Variants in TLK2 observed in about 807,000 individuals in gnomAD.
TLK2 encodes the protein tousled like kinase 2.
TLK2 carries 6 observed loss-of-function variants against 117.3 expected under a neutral mutation model. The observed-to-expected ratio is 0.05, with a 90% confidence interval of 0.03 to 0.10. The LOEUF is 0.10. Ranked by LOEUF, TLK2 falls within the 10% of genes least tolerant of loss-of-function variation. The probability of loss-of-function intolerance (pLI) is 1.00; values close to 1 mark genes in which losing one functional copy is unlikely to be tolerated. For synonymous variants in TLK2, 257 were observed against 316.7 expected (o/e 0.81, Z 2.00); for missense variants, 299 against 901.2 (o/e 0.33, Z 8.56).
chr17:62,479,183 C>G lies in TLK2; in HGVS notation c.-113C>G, dbSNP rs1190920073. Reference sequence around the variant, plus strand: ...GGGGTTGCGGCGCTCAGGAGAGGCCCCGGCTCCGCCCCGGGCCTGCCCAGG... The same window carrying G: ...GGGGTTGCGGCGCTCAGGAGAGGCCGCGGCTCCGCCCCGGGCCTGCCCAGG... On this transcript the variant is annotated 5_prime_UTR_variant, in exon 1 of 22. Transcript: ENST00000346027. The G allele has an allele frequency of 6.6e-6, 1 of 151,784 alleles. No individual in the cohort carries two copies. The highest frequency in any genetic ancestry group is 1.5e-5 in the Non-Finnish European group (1 of 67,602). The allele number at this position is 151,784 out of a possible 1,614,324, so 9.4% of individuals were successfully genotyped here.
chr17:62,590,641 G>A (rs1332454730), intron 16 of TLK2, among the ~76,000 whole-genome samples: 2 of 152,116 alleles, frequency 1.3e-5, no homozygotes, highest in Non-Finnish European at 2.9e-5. Context: ...CAGGGCACAT[G>A]AGATCATATT....
intron 16 of TLK2, 68 bp from the exon 17 acceptor site, chr17:62,596,517 A>AG: frequency 8.9e-7 from 1 of 1,118,432 alleles, no homozygotes; most frequent in Admixed American, 1.7e-5. Context: ...AATATTTAGG[A>AG]GGATCTTTGA....
intron 2 of TLK2, among the ~76,000 whole-genome samples, chr17:62,487,911 G>C (rs12950316): frequency 7.0e-6 from 1 of 143,102 alleles, no homozygotes; most frequent in South Asian, 2.3e-4. Context: ...GTGTGAGCCA[G>C]TGCGCCCGGC....
At chr17:62,544,161 C>T (rs144140935) in intron 7 of TLK2, among the ~76,000 whole-genome samples, 1 of 152,146 alleles carries the variant, frequency 6.6e-6, no homozygotes, top group Non-Finnish European at 1.5e-5. Flanking sequence ...TATTTATGGA[C>T]TCTAAATCTG....
At chr17:62,492,955 G>A (rs1045116807) in intron 2 of TLK2, among the ~76,000 whole-genome samples, 1 of 151,990 alleles carries the variant, frequency 6.6e-6, no homozygotes, top group Non-Finnish European at 1.5e-5. Context: ...AAAGTTAGCC[G>A]GGCATGTTGG....
rs373338755 is a variant in TLK2 at position 62,542,432 on chromosome 17, C to A, written c.531+6095C>A. On this transcript the variant is annotated intron_variant, in intron 7 of 21. Coordinates refer to ENST00000346027, the MANE Select transcript of TLK2 (RefSeq NM_006852.6). Reference sequence around the variant, plus strand: ...TTATTTAATCAACTTTAAGTAAGATCTGTTTACTCCTCGTTATGAAAGACA... The same window carrying A: ...TTATTTAATCAACTTTAAGTAAGATATGTTTACTCCTCGTTATGAAAGACA... Among the ~76,000 whole-genome samples, 3 of 152,170 alleles carry A rather than the reference C, an allele frequency of 2.0e-5. No individual in the cohort carries two copies. The East Asian group carries it at 5.8e-4, about 29-fold the overall frequency.
intron 21 of TLK2, among the ~76,000 whole-genome samples, chr17:62,610,358 G>A (rs1389643278): frequency 1.3e-5 from 2 of 152,218 alleles, no homozygotes; most frequent in African/African-American, 4.8e-5. Context: ...ATTCCGGGTA[G>A]TGGAGATGGA....
chr17:62,580,141 A>C lies in TLK2; in HGVS notation c.1317A>C (p.Arg439Ser). The change falls in exon 15 of 22, where the codon AGA becomes AGC. Residue 439 changes from arginine (R) to serine (S), a missense_variant. This residue lies in a region of TLK2 where 81 missense variants were observed against 370.9 expected (regional missense o/e 0.22). Transcript: ENST00000346027. ...QFKDHPTLND[R>S]YLLLHLLGRG... Reference sequence around the variant, plus strand: ...AAGATCATCCAACGCTAAATGACAGATATTTGTTGTTACATCTTTTGGGTA... The same window carrying C: ...AAGATCATCCAACGCTAAATGACAGCTATTTGTTGTTACATCTTTTGGGTA... The C allele has an allele frequency of 6.2e-7, 1 of 1,613,458 alleles. No individual in the cohort carries two copies. The highest frequency in any genetic ancestry group is 1.1e-5 in the South Asian group (1 of 90,978).
intron 2 of TLK2, among the ~76,000 whole-genome samples, chr17:62,488,735 A>G (rs1221538375): frequency 6.6e-6 from 1 of 152,092 alleles, no homozygotes; most frequent in Non-Finnish European, 1.5e-5. Context: ...TGGTTACCAC[A>G]GAAATTACAA....
At chr17:62,537,333 T>C (rs2077185371) in intron 7 of TLK2, among the ~76,000 whole-genome samples, 1 of 152,262 alleles carries the variant, frequency 6.6e-6, no homozygotes, top group Non-Finnish European at 1.5e-5. Context: ...CTTATAGTTA[T>C]GATAGCTTTA....
At chr17:62,556,024 C>T (rs2078842556) in intron 9 of TLK2, among the ~76,000 whole-genome samples, 1 of 152,114 alleles carries the variant, frequency 6.6e-6, no homozygotes, top group Non-Finnish European at 1.5e-5. Context: ...AAGTGATTCT[C>T]CTGCCTCTGC....
intron 16 of TLK2, among the ~76,000 whole-genome samples, chr17:62,587,248 A>G (rs1006965298): frequency 6.6e-6 from 1 of 152,188 alleles, no homozygotes; most frequent in Non-Finnish European, 1.5e-5. Flanking sequence ...TTTAGAGGCT[A>G]TGCAGACTTA....
upstream of TLK2, among the ~76,000 whole-genome samples, chr17:62,476,482 C>T (rs2071048443): frequency 6.6e-6 from 1 of 152,056 alleles, no homozygotes; most frequent in Non-Finnish European, 1.5e-5. Context: ...AGTTGGGAGG[C>T]TGAGGCGGGA....
chr17:62,588,762 C>T (rs1198235134), intron 16 of TLK2, among the ~76,000 whole-genome samples: 1 of 152,162 alleles, frequency 6.6e-6, no homozygotes, highest in South Asian at 2.1e-4. Context: ...GATATAAAAT[C>T]ATACTCATGC....
intron 7 of TLK2, among the ~76,000 whole-genome samples, chr17:62,545,582 G>A (rs1468991510): frequency 9.9e-5 from 15 of 151,974 alleles, no homozygotes; most frequent in African/African-American, 1.7e-4. Context: ...GTGCCATTGC[G>A]CTCCAGCCTG....
intron 11 of TLK2, among the ~76,000 whole-genome samples, chr17:62,572,274 G>A (rs1183539837): frequency 6.6e-6 from 1 of 152,004 alleles, no homozygotes; most frequent in African/African-American, 2.4e-5. Context: ...AGAAGGAGAA[G>A]GGAGCTATCA....
intron 3 of TLK2, among the ~76,000 whole-genome samples, chr17:62,521,788 A>G (rs1296817067): frequency 6.6e-6 from 1 of 152,064 alleles, no homozygotes; most frequent in Non-Finnish European, 1.5e-5. Flanking sequence ...GTCTAAGTGT[A>G]AGTCTGTAGC....
chr17:62,473,206 A>G (rs2070975277), intron 1 of TLK2, among the ~76,000 whole-genome samples: 1 of 152,166 alleles, frequency 6.6e-6, no homozygotes, highest in Admixed American at 6.6e-5. Flanking sequence ...ACTGCAGAGA[A>G]GGGCATAGTC....
At chr17:62,586,972 C>G (rs1402448132) in intron 16 of TLK2, among the ~76,000 whole-genome samples, 1 of 152,052 alleles carries the variant, frequency 6.6e-6, no homozygotes, top group Admixed American at 6.5e-5. Context: ...ACTTGTTCAG[C>G]CTCTCTGTGC....
Sources: gnomAD v4.1 joint callset for allele counts (sites outside exome capture counted in the v4.1 genomes callset) on GRCh38, gnomAD v4.1.1 for gene constraint, gnomAD v4.1.1 regional missense constraint, MANE v1.5 for transcripts, NCBI Gene and HGNC (gene_info 2026-07-23, HGNC 2026-07-21) for gene names.